Variants in ZNF81 observed in about 807,000 individuals in gnomAD.
ZNF81 encodes the protein zinc finger protein 81, also known as zinc finger protein 81 (HFZ20).
A neutral mutation model predicts 32.3 loss-of-function variants in ZNF81; 5 were observed. The observed-to-expected ratio is 0.15, with a 90% CI of 0.08 to 0.33. ZNF81 has a LOEUF of 0.33. ZNF81 is among the 10% of genes least tolerant of loss of function. The probability of loss-of-function intolerance (pLI) is 1.00; values close to 1 mark genes in which losing one functional copy is unlikely to be tolerated. For synonymous variants in ZNF81, 163 were observed against 166.8 expected, an observed-to-expected ratio of 0.98 and a Z score of 0.17; for missense variants, 379 against 479.8, an observed-to-expected ratio of 0.79 and a Z score of 1.96.
At chrX:47,893,254 C>T (rs1302578452) in intron 3 of ZNF81, among the ~76,000 whole-genome samples, 7 of 109,079 alleles carry the variant, frequency 6.4e-5, no homozygotes, top group African/African-American at 1.0e-4. Flanking sequence ...GTGACCTATG[C>T]GAGGATTCAA....
At chrX:47,880,776 T>C (rs1257856453) in intron 2 of ZNF81, among the ~76,000 whole-genome samples, 2 of 112,258 alleles carry the variant, frequency 1.8e-5, no homozygotes, top group Non-Finnish European at 3.8e-5. Context: ...TCCCTAATTG[T>C]CTTACTTCCA....
chrX:47,903,867 A>T (rs1556888518), intron 4 of ZNF81, among the ~76,000 whole-genome samples: 2 of 107,706 alleles, frequency 1.9e-5, no homozygotes, highest in African/African-American at 3.4e-5. Flanking sequence ...ACAGAGATAT[A>T]GACCAATGGA....
intron 1 of ZNF81, among the ~76,000 whole-genome samples, chrX:47,845,316 A>C (rs983809023): frequency 1.8e-5 from 2 of 111,303 alleles, no homozygotes; most frequent in African/African-American, 6.5e-5. Context: ...ATTGTACCTC[A>C]ACTTGGACAC....
At position 47,887,866 on chromosome X, in the gene ZNF81, A is replaced by G. The variant is rs782151823; in HGVS notation, c.55-133A>G. The G allele has an allele frequency of 2.4e-5, 17 of 694,207 alleles. No individual in the cohort carries two copies. The East Asian group carries it at 5.3e-4, about 21-fold the overall frequency. 57.2% of individuals were successfully genotyped at this position (694,207 alleles called of 1,213,427 possible). Reference sequence around the variant, plus strand: ...CACAATATTACATATGTGTATATATATAAACTAAGTATTTAATGGGCATAC... The same window carrying G: ...CACAATATTACATATGTGTATATATGTAAACTAAGTATTTAATGGGCATAC... On this transcript the variant is annotated intron_variant, in intron 2 of 4. Coordinates refer to ENST00000338637, the MANE Select transcript of ZNF81 (RefSeq NM_007137.5).
intron 1 of ZNF81, among the ~76,000 whole-genome samples, chrX:47,844,943 T>A (rs115580115): frequency 8.9e-6 from 1 of 112,330 alleles, no homozygotes; most frequent in Middle Eastern, 4.2e-3. Context: ...TAATGACTGA[T>A]GTTGTTGAAC....
At chrX:47,905,775 A>G (rs1556889101) in intron 4 of ZNF81, among the ~76,000 whole-genome samples, 1 of 112,530 alleles carries the variant, frequency 8.9e-6, no homozygotes, top group Non-Finnish European at 1.9e-5. Context: ...CTCGTACTTT[A>G]TCTCCTATGA....
intron 2 of ZNF81, among the ~76,000 whole-genome samples, chrX:47,881,803 T>G (rs2148025416): frequency 9.1e-6 from 1 of 110,294 alleles, no homozygotes; most frequent in East Asian, 2.8e-4. Context: ...AGAGTCAGGG[T>G]CTCACTCTGT....
intron 2 of ZNF81, among the ~76,000 whole-genome samples, chrX:47,877,389 G>C (rs2058604024): frequency 9.0e-6 from 1 of 111,719 alleles, no homozygotes; most frequent in Non-Finnish European, 1.9e-5. Context: ...AAAAACAGCT[G>C]ATTTCAGGGT....
intron 1 of ZNF81, chrX:47,840,993 G>A: frequency 1.3e-6 from 1 of 750,871 alleles, no homozygotes; most frequent in South Asian, 2.2e-5. Context: ...GCAGATTGAT[G>A]TGTTCACCCC....
chrX:47,850,882 GGCACGC>G (rs1474760368), intron 2 of ZNF81, among the ~76,000 whole-genome samples: 764 of 44,812 alleles, frequency 0.017, 12 homozygotes, highest in African/African-American at 0.042. Flanking sequence ...CTCATTCACA[GGCACGC>G]GCGCACACAC....
At chrX:47,870,811 T>C (rs1214993358) in intron 2 of ZNF81, among the ~76,000 whole-genome samples, 2 of 112,381 alleles carry the variant, frequency 1.8e-5, no homozygotes, top group African/African-American at 6.5e-5. Flanking sequence ...CTTTACTATG[T>C]TTTGAATAAA....
intron 3 of ZNF81, among the ~76,000 whole-genome samples, chrX:47,890,157 T>C (rs2058657547): frequency 9.0e-6 from 1 of 111,445 alleles, no homozygotes; most frequent in Non-Finnish European, 1.9e-5. Flanking sequence ...ATGGCCCCAA[T>C]AATGCCCAGG....
intron 2 of ZNF81, among the ~76,000 whole-genome samples, chrX:47,877,979 C>T (rs1202272718): frequency 9.0e-6 from 1 of 111,605 alleles, no homozygotes; most frequent in African/African-American, 3.3e-5. Context: ...GGCCTAATAA[C>T]AGCAGCCAGG....
chrX:47,859,144 T>A (rs1235295262), intron 2 of ZNF81, among the ~76,000 whole-genome samples: 10 of 111,146 alleles, frequency 9.0e-5, no homozygotes, highest in Non-Finnish European at 5.7e-5. Flanking sequence ...AAATTCTTTT[T>A]TTGGTTCTTT....
intron 2 of ZNF81, among the ~76,000 whole-genome samples, chrX:47,883,169 A>G (rs2058627709): frequency 9.0e-6 from 1 of 111,422 alleles, no homozygotes. Flanking sequence ...GATGGTGAAC[A>G]TCTTTTCATG....
At chrX:47,914,152 C>T (rs2058748287) in intron 4 of ZNF81, among the ~76,000 whole-genome samples, 1 of 111,453 alleles carries the variant, frequency 9.0e-6, no homozygotes, top group African/African-American at 3.3e-5. Flanking sequence ...TCCACCCTAC[C>T]TAATAGCCAA....
chrX:47,838,444 C>CT (rs1321366006), intron 1 of ZNF81, among the ~76,000 whole-genome samples: 1 of 111,386 alleles, frequency 9.0e-6, no homozygotes, highest in Non-Finnish European at 1.9e-5. Flanking sequence ...GTAGGGCTTT[C>CT]TTTTTTTGGA....
intron 3 of ZNF81, among the ~76,000 whole-genome samples, chrX:47,894,032 A>C (rs1415436582): frequency 8.9e-6 from 1 of 111,831 alleles, no homozygotes; most frequent in African/African-American, 3.2e-5. Flanking sequence ...ACAATAGTTA[A>C]AGCAGTGAAA....
intron 2 of ZNF81, among the ~76,000 whole-genome samples, chrX:47,847,504 G>C (rs1389168430): frequency 8.9e-6 from 1 of 112,206 alleles, no homozygotes. Flanking sequence ...GGGCATCACT[G>C]TCTTCTCTTT....
Sources: gnomAD v4.1 joint callset for allele counts (sites outside exome capture counted in the v4.1 genomes callset) on GRCh38, gnomAD v4.1.1 for gene constraint, MANE v1.5 for transcripts, NCBI Gene and HGNC (gene_info 2026-07-23, HGNC 2026-07-21) for gene names.